Variants in BTBD8 observed in about 807,000 individuals in gnomAD.
BTBD8 encodes BTB domain containing 8.
A neutral mutation model predicts 162.9 loss-of-function variants in BTBD8; 110 were observed. The ratio of observed to expected loss-of-function variants is 0.68; its 90% CI spans 0.58 to 0.79. The LOEUF (loss-of-function observed/expected upper bound fraction) is 0.79, where lower values mean the gene tolerates loss of function less well. BTBD8 is among the 30% of genes least tolerant of loss of function. The pLI is 0.00. For synonymous variants in BTBD8, 667 were observed against 716.1 expected, an observed-to-expected ratio of 0.93 and a Z score of 1.10; for missense variants, 1,905 against 2,085.4, an observed-to-expected ratio of 0.91 and a Z score of 1.68.
rs1648221164 is a variant in BTBD8, at chr1:92,088,714, T to C, written c.166T>C (p.Phe56Leu). The change falls in exon 2 of 18, where the codon TTC (phenylalanine) becomes CTC (leucine). Residue 56 changes from phenylalanine to leucine, a missense_variant. Physicochemically the swap from Phe to Leu is conservative, Grantham distance 22. Around this residue, in one of 3 missense-constraint regions of BTBD8, gnomAD observed 1,374 missense variants for 1,442.7 expected, o/e 0.95. Coordinates refer to ENST00000636805, the MANE Select transcript of BTBD8 (RefSeq NM_001376131.1). Reference protein sequence around the residue: ...QDLLRLLREEFHTDVTFSVGC... With the variant: ...QDLLRLLREELHTDVTFSVGC... ...TCCTTATAGGCTTCTAAGGGAAGAA[T>C]TCCATACAGATGTTACCTTCTCTGT... is the stretch of plus-strand genomic sequence containing the variant. 1.9e-6 allele frequency: 3 copies of C among 1,603,126 alleles called. No homozygotes were observed. The highest frequency in any genetic ancestry group is 1.7e-5 in the Admixed American group (1 of 58,576).
rs1650401562 is a variant in BTBD8, at chr1:92,166,997, A to G, written c.1162A>G (p.Arg388Gly). 1.3e-6 allele frequency: 2 copies of G among 1,549,812 alleles called. No homozygotes were observed. Among genetic ancestry groups the G allele is most frequent in the Admixed American group, 2.0e-5 (1 of 50,758 alleles). Reference sequence around the variant, plus strand: ...TGCTTTTCTTCTGATGGAAAGTGACAGGCTAATCATCAGTTTACCCAGAGT... The same window carrying G: ...TGCTTTTCTTCTGATGGAAAGTGACGGGCTAATCATCAGTTTACCCAGAGT... ...NAAFLLMESD[R>G]LIISLPRVKW... The change falls in exon 10 of 18, where the codon AGG (arginine) becomes GGG (glycine). Residue 388 changes from arginine to glycine, a missense_variant. Physicochemically the swap from Arg to Gly is moderately radical, Grantham distance 125 (BLOSUM62 -2). Coordinates refer to ENST00000636805, the MANE Select transcript of BTBD8 (RefSeq NM_001376131.1).
intron 5 of BTBD8, among the ~76,000 whole-genome samples, chr1:92,137,128 T>C (rs1331042265): frequency 6.6e-6 from 1 of 152,164 alleles, no homozygotes; most frequent in East Asian, 1.9e-4. Context: ...AGTTTAGTTA[T>C]CTTGGAACAG....
At chr1:92,093,171 T>G (rs1648360062) in intron 2 of BTBD8, among the ~76,000 whole-genome samples, 1 of 148,426 alleles carries the variant, frequency 6.7e-6, no homozygotes, top group Admixed American at 6.8e-5. Context: ...GGCTCATCAT[T>G]GAGTTTGAAA....
At chr1:92,124,815 C>T in intron 4 of BTBD8, among the ~76,000 whole-genome samples, 1 of 152,070 alleles carries the variant, frequency 6.6e-6, no homozygotes, top group Non-Finnish European at 1.5e-5. Context: ...AAATATCTTT[C>T]TTGTCATTTT....
At chr1:92,157,287 T>C (rs1184534219) in intron 9 of BTBD8, among the ~76,000 whole-genome samples, 1 of 152,182 alleles carries the variant, frequency 6.6e-6, no homozygotes. Flanking sequence ...CTTGGTATGA[T>C]TTCAGTTGTC....
chr1:92,080,352 G>A lies in BTBD8; in HGVS notation c.-220G>A, dbSNP rs977827708. On this transcript the variant is annotated 5_prime_UTR_variant, in exon 1 of 18. Coordinates refer to ENST00000636805, the MANE Select transcript of BTBD8 (RefSeq NM_001376131.1). The stretch of plus-strand genomic sequence containing the variant: ...AGTACGCCTGCGCACGCTCTTCCTG[G>A]GTCAAGAGCCGGCTCGGTTCTGGGA... 1.6e-6 allele frequency: 1 copy of A among 611,802 alleles called. No individual in the cohort carries two copies. Among genetic ancestry groups the A allele is most frequent in the Non-Finnish European group, 2.7e-6 (1 of 372,090 alleles). The allele number at this position is 611,802 out of a possible 1,614,324, so 37.9% of individuals were successfully genotyped here. A position where few individuals can be genotyped will look rare whatever the true frequency, so the allele number is the denominator to read the frequency against.
chr1:92,085,148 A>G (rs985744940), intron 1 of BTBD8, among the ~76,000 whole-genome samples: 1 of 152,238 alleles, frequency 6.6e-6, no homozygotes, highest in African/African-American at 2.4e-5. Context: ...GAGGATAGGT[A>G]TTATGTTTTA....
chr1:92,133,409 G>A (rs1325009209), intron 5 of BTBD8, among the ~76,000 whole-genome samples: 1 of 152,182 alleles, frequency 6.6e-6, no homozygotes, highest in East Asian at 1.9e-4. Flanking sequence ...ATTTTCTAGA[G>A]AGAAAAGGGT....
rs527645166 is a variant in BTBD8, at chr1:92,089,817, C to T, written c.347+922C>T. ...AATTTTGGGGTTGGGGGGACACAAA[C>T]ATTCAGACCATAGTAACTTGTATTT... On this transcript the variant is annotated intron_variant, in intron 2 of 17. Coordinates refer to ENST00000636805, the MANE Select transcript of BTBD8 (RefSeq NM_001376131.1). Among the ~76,000 whole-genome samples, 7 of 152,290 alleles carry T rather than the reference C, an allele frequency of 4.6e-5. No individual in the cohort carries two copies. In the East Asian group the frequency reaches 1.3e-3, roughly 29 times the overall value.
Position 92,164,606 on chromosome 1 carries a change from G to A in BTBD8, c.1123-2352G>A, listed in dbSNP as rs185673493. 5.0e-3 allele frequency among the ~76,000 whole-genome samples: 752 copies of A among 149,326 alleles called. 10 individuals are homozygous for A. The South Asian group carries it at 0.051, about 10-fold the overall frequency. On this transcript the variant is annotated intron_variant, in intron 9 of 17. Transcript: ENST00000636805. Reference sequence around the variant, plus strand: ...TGCACCCCAGCCTGGGTGACAGAGCGAGACCCCGTTACGGCGAGCTGAGAT... The same window carrying A: ...TGCACCCCAGCCTGGGTGACAGAGCAAGACCCCGTTACGGCGAGCTGAGAT...
chr1:92,105,133 C>T (rs1286884132), intron 3 of BTBD8, among the ~76,000 whole-genome samples: 2 of 152,094 alleles, frequency 1.3e-5, no homozygotes, highest in African/African-American at 4.8e-5. Context: ...GGTGTTTCAC[C>T]GTGTTAGCCA....
chr1:92,172,242 T>C (rs1650568149), intron 13 of BTBD8, among the ~76,000 whole-genome samples: 1 of 152,150 alleles, frequency 6.6e-6, no homozygotes, highest in Admixed American at 6.5e-5. Flanking sequence ...TAGAAGGTAG[T>C]ATTGTGGTTG....
chr1:92,128,283 ATT>A (rs1314264555), intron 4 of BTBD8, among the ~76,000 whole-genome samples: 4 of 108,312 alleles, frequency 3.7e-5, no homozygotes, highest in Admixed American at 2.7e-4. Flanking sequence ...CACCTGAATA[ATT>A]TTTTTTTTTT....
At chr1:92,147,313 T>C in intron 8 of BTBD8, 45 bp downstream of exon 8, 1 of 1,503,376 alleles carries the variant, frequency 6.7e-7, no homozygotes, top group Non-Finnish European at 9.1e-7. Context: ...TTAGGGATTT[T>C]GTTTTTCTGT....
intron 6 of BTBD8, among the ~76,000 whole-genome samples, chr1:92,140,249 G>A (rs752357581): frequency 2.1e-5 from 2 of 96,014 alleles, no homozygotes; most frequent in African/African-American, 5.3e-5. Context: ...AGCGAGACCC[G>A]GTTCTTGGGG....
rs370096160 is a variant in BTBD8, at chr1:92,180,685, C to G, written c.3002C>G (p.Ala1001Gly). ...LINLASEISD[A>G]EALQSSCRPD... The stretch of plus-strand genomic sequence containing the variant: ...AATCTTGCATCTGAAATAAGTGATG[C>G]AGAAGCACTCCAGTCATCCTGCAGG... The change falls in exon 17 of 18, where the codon GCA becomes GGA. Residue 1001 changes from alanine (A) to glycine (G), a missense_variant. This residue lies in a region of BTBD8 where 1,374 missense variants were observed against 1,442.7 expected (regional missense o/e 0.95). Transcript: ENST00000636805. 29 of 1,551,394 alleles carry G rather than the reference C, an allele frequency of 1.9e-5. No homozygotes were observed. The highest frequency in any genetic ancestry group is 2.7e-5 in the African/African-American group (2 of 73,018).
chr1:92,090,452 A>G (rs558735209), intron 2 of BTBD8, among the ~76,000 whole-genome samples: 1 of 152,280 alleles, frequency 6.6e-6, no homozygotes, highest in Non-Finnish European at 1.5e-5. Flanking sequence ...TTGGAGAACT[A>G]TCTACATCCT....
rs1176203424 is a variant in BTBD8 at position 92,181,263 on chromosome 1, G to C, written c.3580G>C (p.Asp1194His). 5.2e-6 allele frequency: 8 copies of C among 1,551,686 alleles called. No individual in the cohort carries two copies. The highest frequency in any genetic ancestry group is 4.4e-6 in the Non-Finnish European group (5 of 1,147,000). Residue 1194 changes from aspartate to histidine, a missense_variant, in exon 17 of 18, where the codon GAC becomes CAC. By Grantham distance (81) the Asp-to-His change is moderately conservative. This residue lies in a region of BTBD8 where 1,374 missense variants were observed against 1,442.7 expected (regional missense o/e 0.95). Transcript: ENST00000636805. ...AMDEDKHATADSDVSSKCFSG... is the reference protein window; with the variant it reads ...AMDEDKHATAHSDVSSKCFSG... ...GGATGAAGACAAACATGCTACAGCA[G>C]ACTCAGATGTATCTTCCAAGTGTTT...
intron 13 of BTBD8, among the ~76,000 whole-genome samples, chr1:92,172,665 G>A (rs897931277): frequency 6.6e-6 from 1 of 152,190 alleles, no homozygotes; most frequent in African/African-American, 2.4e-5. Context: ...TGCAATGAAC[G>A]TATTGCCCTA....
Sources: gnomAD v4.1 joint callset for allele counts (sites outside exome capture counted in the v4.1 genomes callset) on GRCh38, gnomAD v4.1.1 for gene constraint, gnomAD v4.1.1 regional missense constraint, MANE v1.5 for transcripts, NCBI Gene and HGNC (gene_info 2026-07-23, HGNC 2026-07-21) for gene names.